SVEP1: variants seen among roughly 807,000 people sequenced by gnomAD.
The protein encoded by SVEP1 is sushi, von Willebrand factor type A, EGF and pentraxin domain-containing protein 1.
SVEP1 carries 164 observed loss-of-function variants against 367.3 expected under a neutral mutation model. That is an observed-to-expected ratio of 0.45 (90% CI 0.39 to 0.51). SVEP1 has a LOEUF of 0.51. SVEP1 is among the 20% of genes least tolerant of loss of function. SVEP1 has a pLI of 0.00. For missense variants in SVEP1, 4,117 were observed against 4,425.3 expected, an observed-to-expected ratio of 0.93 and a Z score of 1.98; for synonymous variants, 1,666 against 1,611.6, an observed-to-expected ratio of 1.03 and a Z score of -0.81.
intron 12 of SVEP1, among the ~76,000 whole-genome samples, 194 bp from the exon 13 acceptor site, chr9:110,479,950 G>A (rs1829160690): frequency 6.6e-6 from 1 of 152,050 alleles, no homozygotes; most frequent in South Asian, 2.1e-4. Flanking sequence ...AAGCAGCACT[G>A]GACTCAGTTA....
chr9:110,393,082 C>T (rs973252618), intron 40 of SVEP1, among the ~76,000 whole-genome samples: 2 of 152,166 alleles, frequency 1.3e-5, no homozygotes, highest in Non-Finnish European at 2.9e-5. Flanking sequence ...CTCAATTTTT[C>T]AGTTAACATA....
In SVEP1 at chr9:110,408,776, A is replaced by G. The variant is rs1030644204; in HGVS notation, c.6824T>C (p.Met2275Thr). Residue 2275 changes from methionine to threonine, a missense_variant, in exon 38 of 48, where the codon ATG (methionine) becomes ACG (threonine). Around this residue, in one of 4 missense-constraint regions of SVEP1, gnomAD observed 1,765 missense variants for 1,781.1 expected, o/e 0.99. Coordinates refer to ENST00000374469, the MANE Select transcript of SVEP1 (RefSeq NM_153366.4). Reference protein sequence around the residue: ...GKPPPIQNGFMKGENFEVGSK... With the variant: ...GKPPPIQNGFTKGENFEVGSK... ...CCCTACTTCAAAGTTTTCTCCTTTCATGAAGCCATTCTGGATCGGGGGAGG... is the reference window on the plus strand; with the variant it reads ...CCCTACTTCAAAGTTTTCTCCTTTCGTGAAGCCATTCTGGATCGGGGGAGG... 5 of 1,613,384 alleles carry G rather than the reference A, an allele frequency of 3.1e-6. No homozygotes were observed. The African/African-American group carries it at 4.0e-5, about 13-fold the overall frequency.
At chr9:110,514,239 T>G in intron 3 of SVEP1, 133 bp from the exon 4 acceptor site, 1 of 1,227,422 alleles carries the variant, frequency 8.1e-7, no homozygotes, top group South Asian at 1.4e-5. Flanking sequence ...AGGCTGGGTG[T>G]GGTGGCTCAC....
chr9:110,445,810 CAT>C, intron 26 of SVEP1, 25 bp downstream of exon 26: 1 of 1,612,450 alleles, frequency 6.2e-7, no homozygotes, highest in Non-Finnish European at 8.5e-7. Flanking sequence ...AGATCTTAAG[CAT>C]AGCCTTCCCG....
chr9:110,402,971 T>C (rs1827886255), intron 39 of SVEP1, among the ~76,000 whole-genome samples: 1 of 152,184 alleles, frequency 6.6e-6, no homozygotes, highest in Non-Finnish European at 1.5e-5. Context: ...AGGCAAGTAC[T>C]AGCAATTTTA....
intron 40 of SVEP1, among the ~76,000 whole-genome samples, chr9:110,396,255 A>G (rs1827757048): frequency 6.6e-6 from 1 of 151,554 alleles, no homozygotes; most frequent in Admixed American, 6.6e-5. Context: ...ACTACTGGGT[A>G]CATAACGAAA....
chr9:110,430,385 C>A lies in SVEP1; in HGVS notation c.5419G>T (p.Val1807Leu). Residue 1807 changes from valine to leucine, a missense_variant, in exon 33 of 48, where the codon GTA becomes TTA. Coordinates refer to ENST00000374469, the MANE Select transcript of SVEP1 (RefSeq NM_153366.4). ...CACGAAAATGTGACTTCGGCACCTA[C>A]TGTATAAATCTCACCTGAGGAGTGG... ...NGHSSGEIYT[V>L]GAEVTFSCQE... is the part of the protein sequence containing the mutation. 6.2e-7 allele frequency: 1 copy of A among 1,613,294 alleles called. No individual in the cohort carries two copies. The highest frequency in any genetic ancestry group is 2.2e-5 in the East Asian group (1 of 44,864).
At chr9:110,565,987 T>C (rs888100182) in intron 1 of SVEP1, among the ~76,000 whole-genome samples, 2 of 152,066 alleles carry the variant, frequency 1.3e-5, no homozygotes, top group African/African-American at 4.8e-5. Context: ...ACATTCTCCA[T>C]GGTTCAGTTT....
At chr9:110,484,554 C>G (rs1292012692) in intron 9 of SVEP1, among the ~76,000 whole-genome samples, 1 of 152,090 alleles carries the variant, frequency 6.6e-6, no homozygotes, top group Non-Finnish European at 1.5e-5. Flanking sequence ...ATGACGAAAA[C>G]ATCAAAAGCA....
At chr9:110,391,051 AC>A (rs1337390916) in intron 40 of SVEP1, among the ~76,000 whole-genome samples, 1 of 152,160 alleles carries the variant, frequency 6.6e-6, no homozygotes, top group Admixed American at 6.5e-5. Context: ...AAAAATTATA[AC>A]CATAACATTA....
At chr9:110,475,169 A>T (rs1416018339) in intron 14 of SVEP1, among the ~76,000 whole-genome samples, 19 of 152,294 alleles carry the variant, frequency 1.2e-4, no homozygotes, top group African/African-American at 4.6e-4. Context: ...ATTTAAAAAA[A>T]TTTAAAAATC....
chr9:110,423,274 C>G lies in SVEP1; in HGVS notation c.5975+4317G>C, dbSNP rs1186017427. Reference sequence around the variant, plus strand: ...GGGCAAAATACTATTAGTTTCTGACCAAGACTGTGTAATTCATGACTCTTG... The same window carrying G: ...GGGCAAAATACTATTAGTTTCTGACGAAGACTGTGTAATTCATGACTCTTG... On this transcript the variant is annotated intron_variant, in intron 36 of 47. Transcript: ENST00000374469. Among the ~76,000 whole-genome samples, 71 of 150,506 alleles carry G rather than the reference C, an allele frequency of 4.7e-4. 1 individual carries two copies.
At chr9:110,457,115 A>C in intron 21 of SVEP1, 141 bp downstream of exon 21, 1 of 594,256 alleles carries the variant, frequency 1.7e-6, no homozygotes, top group Non-Finnish European at 2.8e-6. Context: ...CCTATTGTTT[A>C]TCTTGTTCAA....
intron 1 of SVEP1, among the ~76,000 whole-genome samples, chr9:110,567,624 T>C (rs142367585): frequency 6.6e-6 from 1 of 152,322 alleles, no homozygotes; most frequent in East Asian, 1.9e-4. Flanking sequence ...CACCTAGTAA[T>C]TTCTTACTGC....
intron 43 of SVEP1, among the ~76,000 whole-genome samples, chr9:110,380,895 G>A (rs1402714009): frequency 1.3e-5 from 2 of 152,056 alleles, no homozygotes; most frequent in Admixed American, 1.3e-4. Flanking sequence ...CAGGGATTCA[G>A]CTTTTTCCTG....
chr9:110,509,165 T>C (rs1829671969), intron 5 of SVEP1, among the ~76,000 whole-genome samples: 1 of 152,148 alleles, frequency 6.6e-6, no homozygotes, highest in African/African-American at 2.4e-5. Flanking sequence ...AAAGAAACAA[T>C]AATGCCAATT....
Position 110,430,362 on chromosome 9 carries a change from C to T in SVEP1, c.5442G>A (p.Ser1814=), listed in dbSNP as rs754760807. 3.8e-5 allele frequency: 62 copies of T among 1,613,314 alleles called. No homozygotes were observed. The highest frequency in any genetic ancestry group is 3.3e-4 in the East Asian group (15 of 44,882). ...IYTVGAEVTF[S]CQEGYQLMGV... is the part of the protein sequence containing the mutation. ...CCATCAACTGGTATCCTTCCTGACACGAAAATGTGACTTCGGCACCTACTG... is the reference window on the plus strand; with the variant it reads ...CCATCAACTGGTATCCTTCCTGACATGAAAATGTGACTTCGGCACCTACTG... The change falls in exon 33 of 48, where the codon TCG becomes TCA. Residue 1814 remains serine (S), a synonymous_variant. Transcript: ENST00000374469.
At chr9:110,480,899 G>A (rs2118700118) in intron 12 of SVEP1, among the ~76,000 whole-genome samples, 1 of 152,018 alleles carries the variant, frequency 6.6e-6, no homozygotes, top group Middle Eastern at 3.4e-3. Flanking sequence ...TGGGATTACG[G>A]GTATACGTCA....
rs572076072 is a variant in SVEP1 at position 110,484,803 on chromosome 9, T to C, written c.1931-1110A>G. 1.9e-3 allele frequency among the ~76,000 whole-genome samples: 281 copies of C among 151,498 alleles called. 2 individuals carry two copies. Among genetic ancestry groups the C allele is most frequent in the Non-Finnish European group, 4.7e-4 (32 of 67,920 alleles). ...TGAACAGACACTTTTCAAAAGAAGA[T>C]ATTTATGCGGCCAACAAACATATGA... is the stretch of plus-strand genomic sequence containing the variant. On this transcript the variant is annotated intron_variant, in intron 9 of 47. Coordinates refer to ENST00000374469, the MANE Select transcript of SVEP1 (RefSeq NM_153366.4).
Sources: allele counts gnomAD v4.1 joint callset (sites outside exome capture counted in the v4.1 genomes callset), GRCh38; gene constraint gnomAD v4.1.1; regional missense constraint gnomAD v4.1.1; transcripts MANE v1.5; gene names NCBI Gene and HGNC (gene_info 2026-07-23, HGNC 2026-07-21).